Variants in GRID1 observed in about 807,000 individuals in gnomAD.
GRID1 encodes the protein glutamate ionotropic receptor delta type subunit 1.
A neutral mutation model predicts 98.0 loss-of-function variants in GRID1; 28 were observed. That is an observed-to-expected ratio of 0.29 (90% CI 0.21 to 0.39). GRID1 has a LOEUF of 0.39. Ranked by LOEUF, GRID1 falls within the 10% of genes least tolerant of loss-of-function variation. The pLI is 1.00. For synonymous variants in GRID1, 553 were observed against 538.5 expected (o/e 1.03, Z -0.37); for missense variants, 1,111 against 1,340.5 (o/e 0.83, Z 2.67).
At chr10:86,036,269 C>T (rs1033985301) in intron 4 of GRID1, among the ~76,000 whole-genome samples, 1 of 152,196 alleles carries the variant, frequency 6.6e-6, no homozygotes, top group African/African-American at 2.4e-5. Context: ...CCATCAGATG[C>T]TGTCCTGGGA....
intron 13 of GRID1, among the ~76,000 whole-genome samples, chr10:85,643,826 A>G (rs1843153874): frequency 1.3e-5 from 2 of 152,214 alleles, no homozygotes; most frequent in Non-Finnish European, 1.5e-5. Flanking sequence ...CATCTTATGT[A>G]CTAACAAAGA....
chr10:85,635,121 TG>T (rs1843022902), intron 13 of GRID1, among the ~76,000 whole-genome samples: 1 of 151,758 alleles, frequency 6.6e-6, no homozygotes, highest in Admixed American at 6.6e-5. Context: ...GCATGGATAT[TG>T]GTTTGATTCC....
intron 2 of GRID1, among the ~76,000 whole-genome samples, chr10:86,351,334 A>G (rs1398780502): frequency 6.6e-6 from 1 of 152,232 alleles, no homozygotes; most frequent in East Asian, 1.9e-4. Flanking sequence ...GATTTCTGGG[A>G]TTCTTGCAGC....
rs529966942 is a variant in GRID1, at chr10:86,202,181, T to G, written c.520+4183A>C. ...AGAAAGGACTGCCGTGCCCTGGAGATGCCCCTGGGCCCCTGGGGCCTAACT... is the reference window on the plus strand; with the variant it reads ...AGAAAGGACTGCCGTGCCCTGGAGAGGCCCCTGGGCCCCTGGGGCCTAACT... On this transcript the variant is annotated intron_variant, in intron 3 of 15. Transcript: ENST00000327946. Among the ~76,000 whole-genome samples the G allele has an allele frequency of 2.2e-4, 33 of 152,346 alleles. 1 individual carries two copies. Among genetic ancestry groups the G allele is most frequent in the Non-Finnish European group, 4.0e-4 (27 of 68,034 alleles).
At chr10:85,703,982 C>G (rs1051438513) in intron 12 of GRID1, among the ~76,000 whole-genome samples, 1 of 152,068 alleles carries the variant, frequency 6.6e-6, no homozygotes, top group Non-Finnish European at 1.5e-5. Context: ...TTCTCCTTCA[C>G]TTATGAAGCT....
intron 4 of GRID1, among the ~76,000 whole-genome samples, chr10:86,019,086 C>G (rs1843016386): frequency 6.6e-6 from 1 of 152,190 alleles, no homozygotes; most frequent in Admixed American, 6.5e-5. Flanking sequence ...TGCCTTTGAT[C>G]AAGGTGAAGC....
intron 12 of GRID1, among the ~76,000 whole-genome samples, chr10:85,674,562 T>C (rs1233634627): frequency 2.0e-5 from 3 of 152,200 alleles, no homozygotes; most frequent in Non-Finnish European, 2.9e-5. Context: ...TCAACTGCAA[T>C]TAACTATCCT....
chr10:86,196,669 G>A (rs893244442), intron 3 of GRID1, among the ~76,000 whole-genome samples: 2 of 151,998 alleles, frequency 1.3e-5, no homozygotes, highest in Non-Finnish European at 2.9e-5. Context: ...TGAAGCTATG[G>A]GAAGAACTTT....
At chr10:85,976,182 G>GT (rs886391271) in intron 4 of GRID1, among the ~76,000 whole-genome samples, 13 of 151,488 alleles carry the variant, frequency 8.6e-5, no homozygotes, top group South Asian at 2.1e-4. Flanking sequence ...TTTGATTATT[G>GT]TTTTTTTTGT....
Position 86,232,243 on chromosome 10 carries a change from G to A in GRID1, c.236-25595C>T, listed in dbSNP as rs111542603. ...CGCAGCCGTTGTATTAGGGAGCCAGGAGAAAAGGCAAGCTGAGCAGCACTG... is the reference window on the plus strand; with the variant it reads ...CGCAGCCGTTGTATTAGGGAGCCAGAAGAAAAGGCAAGCTGAGCAGCACTG... On this transcript the variant is annotated intron_variant, in intron 2 of 15. Coordinates refer to ENST00000327946, the MANE Select transcript of GRID1 (RefSeq NM_017551.3). Among the ~76,000 whole-genome samples, 464 of 152,342 alleles carry A rather than the reference G, an allele frequency of 3.0e-3. 1 individual carries two copies. Among genetic ancestry groups the A allele is most frequent in the Middle Eastern group, 0.024 (7 of 294 alleles).
At chr10:85,664,086 G>T (rs181682706) in intron 12 of GRID1, among the ~76,000 whole-genome samples, 121 of 152,264 alleles carry the variant, frequency 7.9e-4, no homozygotes, top group African/African-American at 2.9e-3. Context: ...ATGTTGATGT[G>T]CAGCAGAGCA....
intron 4 of GRID1, among the ~76,000 whole-genome samples, chr10:86,011,973 C>T (rs1842927718): frequency 6.6e-6 from 1 of 152,154 alleles, no homozygotes. Context: ...GCCTGGCCAA[C>T]ATGGTGAAAC....
chr10:85,681,578 C>T (rs1841209318), intron 12 of GRID1, among the ~76,000 whole-genome samples: 2 of 152,140 alleles, frequency 1.3e-5, no homozygotes, highest in Admixed American at 6.5e-5. Context: ...CCCACATGCA[C>T]TGCCTCTTAA....
At chr10:86,041,339 C>T (rs1843342707) in intron 4 of GRID1, among the ~76,000 whole-genome samples, 1 of 152,194 alleles carries the variant, frequency 6.6e-6, no homozygotes, top group Admixed American at 6.5e-5. Flanking sequence ...CATCTGCTTG[C>T]ACCATTACTG....
chr10:85,628,615 G>A (rs538211422), intron 13 of GRID1, among the ~76,000 whole-genome samples: 3 of 152,128 alleles, frequency 2.0e-5, no homozygotes, highest in African/African-American at 7.2e-5. Flanking sequence ...GCAGACCATT[G>A]GTGGGCCCAG....
intron 2 of GRID1, among the ~76,000 whole-genome samples, chr10:86,350,224 C>A (rs1240396217): frequency 6.6e-6 from 1 of 152,224 alleles, no homozygotes; most frequent in Non-Finnish European, 1.5e-5. Flanking sequence ...TGTCGGGGTC[C>A]TTGGGGACTT....
intron 3 of GRID1, among the ~76,000 whole-genome samples, chr10:86,173,018 A>G (rs12357176): frequency 0.041 from 6,291 of 152,168 alleles, 148 homozygotes; most frequent in Non-Finnish European, 0.054. Flanking sequence ...GTGTCTCCAA[A>G]AGACAAGGAT....
chr10:86,295,088 G>A (rs1231849510), intron 2 of GRID1, among the ~76,000 whole-genome samples: 1 of 152,220 alleles, frequency 6.6e-6, no homozygotes, highest in Admixed American at 6.5e-5. Context: ...GTGCGCACAG[G>A]AGCAATGGAG....
At chr10:85,617,283 A>G (rs575348757) in intron 14 of GRID1, among the ~76,000 whole-genome samples, 17 of 141,690 alleles carry the variant, frequency 1.2e-4, no homozygotes, top group South Asian at 2.5e-4. Flanking sequence ...CACAGGCTAG[A>G]GTGCAGTGAC....
Sources: allele counts gnomAD v4.1 joint callset (sites outside exome capture counted in the v4.1 genomes callset), GRCh38; gene constraint gnomAD v4.1.1; transcripts MANE v1.5; gene names NCBI Gene and HGNC (gene_info 2026-07-23, HGNC 2026-07-21).